Variants in MTCL3 observed in about 807,000 individuals in gnomAD.
The protein encoded by MTCL3 is microtubule cross-linking factor 3.
At chr6:127,486,362 T>G in the MTCL3 span, among the ~76,000 whole-genome samples, 1 of 152,156 alleles carries the variant, frequency 6.6e-6, no homozygotes, top group South Asian at 2.1e-4. Flanking sequence ...CATATTCCAG[T>G]AAGTTTATGT....
At chr6:127,499,661 A>G in the MTCL3 span, among the ~76,000 whole-genome samples, 1 of 152,176 alleles carries the variant, frequency 6.6e-6, no homozygotes, top group African/African-American at 2.4e-5. Context: ...GTATTTCTGA[A>G]CCGGGTATTC....
chr6:127,513,055 T>G, the MTCL3 span: 1 of 1,602,248 alleles, frequency 6.2e-7, no homozygotes, highest in Non-Finnish European at 8.5e-7. Context: ...GCAACCTGAA[T>G]TAAGGTGTTT....
At chr6:127,514,099 A>G in the MTCL3 span, among the ~76,000 whole-genome samples, 1 of 152,240 alleles carries the variant, frequency 6.6e-6, no homozygotes, top group African/African-American at 2.4e-5. Context: ...TTGCATAGTC[A>G]ATGAATCTGC....
At chr6:127,492,434 GAGA>G in the MTCL3 span, among the ~76,000 whole-genome samples, 2 of 152,176 alleles carry the variant, frequency 1.3e-5, no homozygotes, top group Non-Finnish European at 2.9e-5. Context: ...AGGAAGAGTT[GAGA>G]AGGTTATCAA....
chr6:127,510,639 T>C, the MTCL3 span, among the ~76,000 whole-genome samples: 1 of 152,218 alleles, frequency 6.6e-6, no homozygotes, highest in Admixed American at 6.5e-5. Context: ...ATTTCTTTTT[T>C]ATCTCTGGTA....
chr6:127,504,538 A>C, the MTCL3 span, among the ~76,000 whole-genome samples: 12 of 152,206 alleles, frequency 7.9e-5, no homozygotes, highest in African/African-American at 2.7e-4. Flanking sequence ...ACAGGCAGCC[A>C]AGGGTGGCCA....
the MTCL3 span, among the ~76,000 whole-genome samples, chr6:127,491,299 A>G: frequency 1.3e-5 from 2 of 152,238 alleles, no homozygotes; most frequent in Non-Finnish European, 2.9e-5. Context: ...GGAAGAGCCA[A>G]CTGACGTGGC....
At chr6:127,491,905 T>C in the MTCL3 span, among the ~76,000 whole-genome samples, 3 of 145,678 alleles carry the variant, frequency 2.1e-5, no homozygotes, top group African/African-American at 7.7e-5. Context: ...AAAAAAAAGA[T>C]GGACTCTACT....
chr6:127,502,525 A>G, the MTCL3 span, among the ~76,000 whole-genome samples: 46 of 152,232 alleles, frequency 3.0e-4, no homozygotes, highest in African/African-American at 1.1e-3. Context: ...ATGGCTTTAT[A>G]ATGAAGTGAG....
chr6:127,515,877 TCCA>T, the MTCL3 span: 1 of 1,611,326 alleles, frequency 6.2e-7, no homozygotes, highest in Admixed American at 1.7e-5. The surrounding 1 kb of genome is among the most constrained non-coding windows in gnomAD (Gnocchi z 4.3). Flanking sequence ...AGTAGCTCCC[TCCA>T]CCACCGCTGC....
At chr6:127,515,738 C>G in the MTCL3 span, 1 of 1,598,414 alleles carries the variant, frequency 6.3e-7, no homozygotes, top group Non-Finnish European at 8.5e-7. This position sits in a 1 kb window ranked among gnomAD's most constrained non-coding sequence, Gnocchi z 4.3. Context: ...GGGCCAGACA[C>G]CGGGGAGCTG....
At chr6:127,495,053 C>CG in the MTCL3 span, among the ~76,000 whole-genome samples, 6 of 151,590 alleles carry the variant, frequency 4.0e-5, no homozygotes, top group African/African-American at 1.5e-4. Context: ...AAAAAGTAGC[C>CG]GGGCATGGTG....
the MTCL3 span, among the ~76,000 whole-genome samples, chr6:127,502,543 G>A: frequency 6.6e-6 from 1 of 152,156 alleles, no homozygotes; most frequent in African/African-American, 2.4e-5. Flanking sequence ...GAGATTTAAA[G>A]GGGAATTTCA....
At chr6:127,510,322 A>G in the MTCL3 span, among the ~76,000 whole-genome samples, 1 of 152,204 alleles carries the variant, frequency 6.6e-6, no homozygotes, top group Non-Finnish European at 1.5e-5. Flanking sequence ...CTCCCAACCC[A>G]GAAATAGAGC....
the MTCL3 span, chr6:127,518,470 A>G: frequency 2.0e-5 from 3 of 152,248 alleles, no homozygotes; most frequent in Non-Finnish European, 4.4e-5. Context: ...TTATCACCCA[A>G]CCAACCCCTG....
chr6:127,491,878 C>CAAAAA, the MTCL3 span, among the ~76,000 whole-genome samples: 1 of 60,768 alleles, frequency 1.6e-5, no homozygotes, highest in Non-Finnish European at 3.7e-5. Context: ...GACCCTGTCT[C>CAAAAA]AAAAAAAAAA....
At chr6:127,483,151 T>C in the MTCL3 span, among the ~76,000 whole-genome samples, 1 of 152,214 alleles carries the variant, frequency 6.6e-6, no homozygotes, top group Non-Finnish European at 1.5e-5. Context: ...GATTTAGATA[T>C]ATTTTTACTT....
the MTCL3 span, among the ~76,000 whole-genome samples, chr6:127,486,740 G>C: frequency 6.6e-6 from 1 of 152,104 alleles, no homozygotes; most frequent in South Asian, 2.1e-4. Flanking sequence ...GAATTAGAGA[G>C]TTTTGCCAGT....
At chr6:127,515,987 C>G in the MTCL3 span, 4 of 1,595,672 alleles carry the variant, frequency 2.5e-6, no homozygotes, top group Non-Finnish European at 3.4e-6. The surrounding 1 kb of genome is among the most constrained non-coding windows in gnomAD (Gnocchi z 4.3). Flanking sequence ...CCCTCCCCGC[C>G]GCTGCCGCCC....
Sources: gnomAD v4.1 joint callset for allele counts (sites outside exome capture counted in the v4.1 genomes callset) on GRCh38, gnomAD v4.1.1 for gene constraint, Gnocchi (gnomAD v3.1) non-coding constraint, MANE v1.5 for transcripts, NCBI Gene and HGNC (gene_info 2026-07-23, HGNC 2026-07-21) for gene names.